The following KDM1B variants were observed in gnomAD, a reference collection of about 807,000 sequenced individuals.
KDM1B encodes lysine demethylase 1B.
Under a neutral mutation model 107.4 loss-of-function variants are expected in KDM1B, and 63 were observed. The ratio of observed to expected loss-of-function variants is 0.59; its 90% CI spans 0.48 to 0.72. KDM1B has a LOEUF of 0.72. Ranked by LOEUF, KDM1B falls within the 30% of genes least tolerant of loss-of-function variation. The probability of loss-of-function intolerance (pLI) is 0.00; values close to 1 mark genes in which losing one functional copy is unlikely to be tolerated. For synonymous variants in KDM1B, 363 were observed against 363.9 expected (o/e 1.00, Z 0.03); for missense variants, 749 against 1,020.8 (o/e 0.73, Z 3.63).
chr6:18,206,375 G>T (rs1788373500), intron 15 of KDM1B, among the ~76,000 whole-genome samples: 1 of 151,922 alleles, frequency 6.6e-6, no homozygotes, highest in South Asian at 2.1e-4. Flanking sequence ...AAATTAGCTG[G>T]GCTTAGTGGC....
chr6:18,212,705 A>G lies in KDM1B; in HGVS notation c.1983+101A>G. The G allele has an allele frequency of 1.3e-6, 1 of 771,352 alleles. No individual in the cohort carries two copies. Among genetic ancestry groups the G allele is most frequent in the Non-Finnish European group, 2.3e-6 (1 of 436,846 alleles). 47.8% of individuals were successfully genotyped at this position (771,352 alleles called of 1,614,324 possible). A position where few individuals can be genotyped will look rare whatever the true frequency, so the allele number is the denominator to read the frequency against. The stretch of plus-strand genomic sequence containing the variant: ...AGTAGTGGGTACTATCTAAATACAA[A>G]TAAAACTCAAGGATTTCCTTTTCAT... On this transcript the variant is annotated intron_variant, in intron 18 of 21. Coordinates refer to ENST00000650836, the MANE Select transcript of KDM1B (RefSeq NM_001364614.2). The surrounding 1 kb of genome is among the most constrained non-coding windows in gnomAD (Gnocchi z 5.2).
intron 21 of KDM1B, among the ~76,000 whole-genome samples, chr6:18,221,098 T>C (rs1789692404): frequency 6.6e-6 from 1 of 152,056 alleles, no homozygotes; most frequent in Admixed American, 6.6e-5. Flanking sequence ...CTCCCCCCAC[T>C]AGTCACTATA....
intron 6 of KDM1B, among the ~76,000 whole-genome samples, chr6:18,166,744 C>T (rs534227656): frequency 6.6e-6 from 1 of 151,622 alleles, no homozygotes; most frequent in Admixed American, 6.6e-5. Context: ...GTCCCATCTA[C>T]TCATCAGGTT....
rs1786868638 is a variant in KDM1B, at chr6:18,186,597, C to A, written c.573+787C>A. On this transcript the variant is annotated intron_variant, in intron 8 of 21. Transcript: ENST00000650836. The surrounding 1 kb of genome is among the most constrained non-coding windows in gnomAD (Gnocchi z 5.6). ...GTTTGCATGTGTATTAGTCCGTTCT[C>A]ACGCTGCTTGCTATAAAGAACTGCC... 6.6e-6 allele frequency among the ~76,000 whole-genome samples: 1 copy of A among 152,168 alleles called. No individual in the cohort carries two copies. Among genetic ancestry groups the A allele is most frequent in the Admixed American group, 6.5e-5 (1 of 15,274 alleles).
rs1003288965 is a variant in KDM1B, at chr6:18,190,980, C to T, written c.785-217C>T. Among the ~76,000 whole-genome samples, 3 of 151,580 alleles carry T rather than the reference C, an allele frequency of 2.0e-5. No homozygotes were observed. The East Asian group carries it at 5.8e-4, about 29-fold the overall frequency. ...TTAAAAATAAAATAATTTTTCCATG[C>T]TATGGAAATTAAAGTTGAGAATAGC... On this transcript the variant is annotated intron_variant, in intron 9 of 21. Coordinates refer to ENST00000650836, the MANE Select transcript of KDM1B (RefSeq NM_001364614.2).
At chr6:18,183,271 T>C (rs1487747088) in intron 7 of KDM1B, among the ~76,000 whole-genome samples, 6 of 141,778 alleles carry the variant, frequency 4.2e-5, no homozygotes, top group Non-Finnish European at 7.6e-5. Context: ...TTTTTTTTTT[T>C]TTTTTTTTTT....
intron 17 of KDM1B, among the ~76,000 whole-genome samples, chr6:18,210,196 G>A (rs182872923): frequency 1.8e-4 from 28 of 152,226 alleles, no homozygotes; most frequent in East Asian, 1.5e-3. Context: ...TCAACCCAAC[G>A]TGATAGACCG....
rs1490536095 is a variant in KDM1B at position 18,223,354 on chromosome 6, CCAAT to C, written c.*1366_*1369del. Reference sequence around the variant, plus strand: ...CCCCACCGCCCGCCCCCCGCCCCCCCCAATCAAAGTGTGGTCCCAAAACAAGCCA... The same window carrying C: ...CCCCACCGCCCGCCCCCCGCCCCCCCCAAAGTGTGGTCCCAAAACAAGCCA... On this transcript the variant is annotated 3_prime_UTR_variant, in exon 22 of 22. Transcript: ENST00000650836. 2.9e-5 allele frequency: 4 copies of C among 137,324 alleles called. No homozygotes were observed. The highest frequency in any genetic ancestry group is 8.4e-5 in the African/African-American group (3 of 35,888). The allele number at this position is 137,324 out of a possible 1,614,324, so 8.5% of individuals were successfully genotyped here.
At chr6:18,196,972 C>G in intron 10 of KDM1B, 85 bp from the exon 11 acceptor site, 1 of 1,265,288 alleles carries the variant, frequency 7.9e-7, no homozygotes, top group Non-Finnish European at 1.1e-6. Context: ...TTTTACTTGT[C>G]TTTTAAATGG....
intron 2 of KDM1B, among the ~76,000 whole-genome samples, chr6:18,157,021 A>T (rs998308659): frequency 2.0e-4 from 31 of 152,214 alleles, no homozygotes; most frequent in African/African-American, 7.0e-4. Context: ...TTACCAAAAA[A>T]TCCCACTTTT....
At chr6:18,218,023 A>C (rs1582224094) in intron 21 of KDM1B, 138 bp downstream of exon 21, 1 of 863,340 alleles carries the variant, frequency 1.2e-6, no homozygotes, top group Non-Finnish European at 1.8e-6. Context: ...AAGCCTTCTC[A>C]CCATCCTCTT....
chr6:18,165,086 A>G (rs1785206498), intron 5 of KDM1B, among the ~76,000 whole-genome samples: 2 of 144,264 alleles, frequency 1.4e-5, no homozygotes, highest in South Asian at 4.4e-4. Context: ...TGTTTTCCAT[A>G]TGGTGCATTT....
intron 6 of KDM1B, 56 bp downstream of exon 6, chr6:18,166,434 G>A (rs921585788): frequency 5.1e-6 from 5 of 983,668 alleles, no homozygotes; most frequent in Middle Eastern, 2.1e-4. Context: ...AATGCAAGAG[G>A]CATGGATGAA....
In KDM1B at chr6:18,213,450, A is replaced by AC. The variant is rs369166631; in HGVS notation, c.1984-203dup. Among the ~76,000 whole-genome samples the AC allele has an allele frequency of 6.0e-3, 904 of 151,438 alleles. 5 individuals are homozygous for AC. The highest frequency in any genetic ancestry group is 9.5e-3 in the African/African-American group (392 of 41,220). ...AAACTCCGTCTCAAAAAAAAAAAAA[A>AC]CCCAAAAAACAAAACAAAACAAAAA... On this transcript the variant is annotated intron_variant, in intron 18 of 21. Coordinates refer to ENST00000650836, the MANE Select transcript of KDM1B (RefSeq NM_001364614.2). The surrounding 1 kb of genome is among the most constrained non-coding windows in gnomAD (Gnocchi z 5.9).
rs214621 is a variant in KDM1B, at chr6:18,197,244, A to G, written c.1146+11A>G. The G allele has an allele frequency of 0.13, 201,616 of 1,608,374 alleles. 18,273 individuals are homozygous for G. The highest frequency in any genetic ancestry group is 0.47 in the African/African-American group (35,039 of 74,694). ...AAGGACTACCACAATGTAGGTGATT[A>G]TAGCTTTAGCGATAGCCTTGCCATT... On this transcript the variant is annotated intron_variant, in intron 11 of 21. Transcript: ENST00000650836. This position sits in a 1 kb window ranked among gnomAD's most constrained non-coding sequence, Gnocchi z 4.5.
chr6:18,201,699 G>C lies in KDM1B; in HGVS notation c.1531+42G>C. On this transcript the variant is annotated intron_variant, in intron 14 of 21. Transcript: ENST00000650836. The surrounding 1 kb of genome is among the most constrained non-coding windows in gnomAD (Gnocchi z 4.3). ...GTTCTGATTGTTCCATCTCAGTTTC[G>C]TTGTTACCTAAGCTTCATCAGCAGT... 1 of 1,482,700 alleles carries C rather than the reference G, an allele frequency of 6.7e-7. No individual in the cohort carries two copies. 91.8% of individuals were successfully genotyped at this position (1,482,700 alleles called of 1,614,324 possible).
At chr6:18,173,244 G>A (rs538757488) in intron 7 of KDM1B, among the ~76,000 whole-genome samples, 1 of 152,040 alleles carries the variant, frequency 6.6e-6, no homozygotes, top group South Asian at 2.1e-4. Context: ...CATTCTAATG[G>A]GTATGTACTA....
rs1268546819 is a variant in KDM1B at position 18,186,834 on chromosome 6, G to T, written c.574-958G>T. Among the ~76,000 whole-genome samples, 1 of 152,074 alleles carries T rather than the reference G, an allele frequency of 6.6e-6. No individual in the cohort carries two copies. Among genetic ancestry groups the T allele is most frequent in the Non-Finnish European group, 1.5e-5 (1 of 68,018 alleles). The stretch of plus-strand genomic sequence containing the variant: ...CTCATTATCACAAGAACAGCATGAG[G>T]GTAACTGCCCCTGTGGTTTAATTAC... On this transcript the variant is annotated intron_variant, in intron 8 of 21. Coordinates refer to ENST00000650836, the MANE Select transcript of KDM1B (RefSeq NM_001364614.2). This position sits in a 1 kb window ranked among gnomAD's most constrained non-coding sequence, Gnocchi z 5.6.
At position 18,213,085 on chromosome 6, in the gene KDM1B, G is replaced by T. The variant is rs2151024722; in HGVS notation, c.1983+481G>T. Among the ~76,000 whole-genome samples the T allele has an allele frequency of 6.6e-6, 1 of 152,274 alleles. No individual in the cohort carries two copies. The highest frequency in any genetic ancestry group is 2.1e-4 in the South Asian group (1 of 4,826). ...AGGAATGCTGGGCATCTTCAGACTA[G>T]CTTCTAGGTTGCCAGTGGGTTCCAT... is the stretch of plus-strand genomic sequence containing the variant. On this transcript the variant is annotated intron_variant, in intron 18 of 21. Transcript: ENST00000650836. This position sits in a 1 kb window ranked among gnomAD's most constrained non-coding sequence, Gnocchi z 5.9.
Sources: gnomAD v4.1 joint callset for allele counts (sites outside exome capture counted in the v4.1 genomes callset) on GRCh38, gnomAD v4.1.1 for gene constraint, Gnocchi (gnomAD v3.1) non-coding constraint, MANE v1.5 for transcripts, NCBI Gene and HGNC (gene_info 2026-07-23, HGNC 2026-07-21) for gene names.